Variants in SLC22A4 observed in about 807,000 individuals in gnomAD.
SLC22A4 encodes solute carrier family 22 member 4.
Under a neutral mutation model 56.6 loss-of-function variants are expected in SLC22A4, and 39 were observed. The ratio of observed to expected loss-of-function variants is 0.69; its 90% confidence interval spans 0.53 to 0.90. The LOEUF (loss-of-function observed/expected upper bound fraction) is 0.90. Ranked by LOEUF, SLC22A4 falls within the 40% of genes least tolerant of loss-of-function variation. The probability of loss-of-function intolerance (pLI) is 0.00; values close to 1 mark genes in which losing one functional copy is unlikely to be tolerated. For synonymous variants in SLC22A4, 241 were observed against 281.4 expected (o/e 0.86, Z 1.44); for missense variants, 594 against 696.5 (o/e 0.85, Z 1.66).
Position 132,312,293 on chromosome 5 carries a change from G to C in SLC22A4, c.497+29G>C, listed in dbSNP as rs775660436. 3.0e-6 allele frequency: 4 copies of C among 1,355,868 alleles called. No individual in the cohort carries two copies. The Admixed American group carries it at 5.0e-5, about 17-fold the overall frequency. The allele number at this position is 1,355,868 out of a possible 1,614,324, so 84.0% of individuals were successfully genotyped here. On this transcript the variant is annotated intron_variant, in intron 2 of 9. Transcript: ENST00000200652. ...AGCACATGGGAGGGGAGGAAGGTGG[G>C]ATGGTGCCCCTTGTCAATCACTGCC...
chr5:132,324,135 T>TGA (rs1750615084), intron 4 of SLC22A4, among the ~76,000 whole-genome samples: 1 of 151,998 alleles, frequency 6.6e-6, no homozygotes, highest in African/African-American at 2.4e-5. Context: ...AAGATTACAG[T>TGA]GCGCTATATG....
Position 132,334,718 on chromosome 5 carries a change from G to A in SLC22A4, c.1047G>A (p.Trp349Ter). 1 of 1,609,254 alleles carries A rather than the reference G, an allele frequency of 6.2e-7. No individual in the cohort carries two copies. The highest frequency in any genetic ancestry group is 8.5e-7 in the Non-Finnish European group (1 of 1,175,560). Residue 349 changes from tryptophan to a stop codon, truncating the protein, a stop_gained and splice_region_variant, in exon 7 of 10, where the codon TGG becomes TGA. Transcript: ENST00000200652. LOFTEE classifies it high-confidence loss of function. ...AIMTIMSLLL[W>*]MLTSVGYFAL... ...TGTCATTTTTACCTTCTTCTTTCAG[G>A]ATGCTGACCTCAGTGGGTTACTTTG...
intron 1 of SLC22A4, 102 bp downstream of exon 1, chr5:132,295,111 TCC>T: frequency 7.7e-7 from 1 of 1,303,976 alleles, no homozygotes. Context: ...AGCGCTCCCC[TCC>T]CCCTCAAACC....
intron 8 of SLC22A4, among the ~76,000 whole-genome samples, 184 bp downstream of exon 8, chr5:132,336,184 T>G (rs562497692): frequency 7.3e-5 from 11 of 150,792 alleles, no homozygotes; most frequent in Non-Finnish European, 1.3e-4. Context: ...TACAGACATT[T>G]TGTTTTGCAC....
intron 5 of SLC22A4, among the ~76,000 whole-genome samples, 153 bp from the exon 6 acceptor site, chr5:132,331,603 T>C (rs1230032535): frequency 6.6e-6 from 1 of 152,238 alleles, no homozygotes; most frequent in Non-Finnish European, 1.5e-5. Flanking sequence ...GTGTCATATA[T>C]GTAGATGCCC....
In SLC22A4 at chr5:132,294,801, G is replaced by C; in HGVS notation, c.185G>C (p.Trp62Ser). ...VPDAANLSSA[W>S]RNNSVPLRLR... is the part of the protein sequence containing the mutation. ...GACGCCGCGAACCTGAGCAGCGCCT[G>C]GCGCAACAACAGTGTCCCGCTGCGG... is the stretch of plus-strand genomic sequence containing the variant. Residue 62 changes from tryptophan to serine, a missense_variant, in exon 1 of 10, where the codon TGG becomes TCG. Coordinates refer to ENST00000200652, the MANE Select transcript of SLC22A4 (RefSeq NM_003059.3). This position sits in a 1 kb window ranked among gnomAD's most constrained non-coding sequence, Gnocchi z 5.6. The C allele has an allele frequency of 6.2e-7, 1 of 1,613,002 alleles. No homozygotes were observed. The highest frequency in any genetic ancestry group is 2.2e-5 in the East Asian group (1 of 44,864).
chr5:132,312,077 C>T (rs994611431), intron 1 of SLC22A4, 84 bp from the exon 2 acceptor site: 7 of 846,058 alleles, frequency 8.3e-6, no homozygotes, highest in African/African-American at 6.6e-5. Context: ...GCCCGCCAGC[C>T]GTGCTAATAT....
chr5:132,309,773 A>G (rs928312795), intron 1 of SLC22A4, among the ~76,000 whole-genome samples: 1 of 152,016 alleles, frequency 6.6e-6, no homozygotes, highest in African/African-American at 2.4e-5. Flanking sequence ...CTTGCAAATT[A>G]AGTAGCCAGT....
At chr5:132,317,923 C>T (rs190276104) in intron 3 of SLC22A4, among the ~76,000 whole-genome samples, 249 of 152,318 alleles carry the variant, frequency 1.6e-3, no homozygotes, top group Non-Finnish European at 2.0e-3. Flanking sequence ...TTGCATTGCA[C>T]CGTAAGAGGG....
At chr5:132,325,261 A>G (rs1004448534) in intron 4 of SLC22A4, among the ~76,000 whole-genome samples, 14 of 152,234 alleles carry the variant, frequency 9.2e-5, no homozygotes, top group Non-Finnish European at 1.8e-4. Flanking sequence ...CTGCACTAAT[A>G]TAGTAGCCAC....
intron 3 of SLC22A4, among the ~76,000 whole-genome samples, chr5:132,318,462 C>G (rs2126718032): frequency 6.6e-6 from 1 of 152,226 alleles, no homozygotes; most frequent in South Asian, 2.1e-4. Flanking sequence ...GCCCATGGTT[C>G]CTGGGTCTCG....
Position 132,327,398 on chromosome 5 carries a change from G to C in SLC22A4, c.946G>C (p.Val316Leu), listed in dbSNP as rs1390228100. The change falls in exon 5 of 10, where the codon GTG (valine) becomes CTG (leucine). Residue 316 changes from valine (V) to leucine (L), a missense_variant. Val to Leu is a conservative substitution (Grantham distance 32, BLOSUM62 1). Coordinates refer to ENST00000200652, the MANE Select transcript of SLC22A4 (RefSeq NM_003059.3). ...IAVPAVIFDS[V>L]EELNPLKQQK... ...TGTACCAGCAGTGATATTTGATTCTGTGGAGGTAAGCATTTGCAGATGTTT... is the reference window on the plus strand; with the variant it reads ...TGTACCAGCAGTGATATTTGATTCTCTGGAGGTAAGCATTTGCAGATGTTT... 1 of 1,612,790 alleles carries C rather than the reference G, an allele frequency of 6.2e-7. No homozygotes were observed. The highest frequency in any genetic ancestry group is 2.2e-5 in the East Asian group (1 of 44,840).
At chr5:132,317,172 A>G (rs1040214165) in intron 3 of SLC22A4, among the ~76,000 whole-genome samples, 2 of 152,234 alleles carry the variant, frequency 1.3e-5, no homozygotes, top group Non-Finnish European at 2.9e-5. Context: ...TCAATGTATG[A>G]ATAATAGAGG....
rs1751139068 is a variant in SLC22A4 at position 132,339,513 on chromosome 5, T to C, written c.1445-1052T>C. On this transcript the variant is annotated intron_variant, in intron 8 of 9. Transcript: ENST00000200652. ...ACACACACACACACACCTGAAAACA[T>C]GTATGAATTCTCAGGAAAGGTATAA... is the stretch of plus-strand genomic sequence containing the variant. Among the ~76,000 whole-genome samples, 3 of 118,186 alleles carry C rather than the reference T, an allele frequency of 2.5e-5. No homozygotes were observed. The South Asian group carries it at 8.3e-4, about 33-fold the overall frequency. 77.5% of individuals were successfully genotyped at this position (118,186 alleles called of 152,430 possible).
Position 132,334,794 on chromosome 5 carries a change from T to C in SLC22A4, c.1123T>C (p.Phe375Leu). ...NLHGDAYLNC[F>L]LSALIEIPAY... ...ACATGGAGATGCCTACCTGAACTGT[T>C]TCCTCTCTGCCTTGATTGAAATTCC... The change falls in exon 7 of 10, where the codon TTC (phenylalanine) becomes CTC (leucine). Residue 375 changes from phenylalanine to leucine, a missense_variant. Coordinates refer to ENST00000200652, the MANE Select transcript of SLC22A4 (RefSeq NM_003059.3). 6.2e-7 allele frequency: 1 copy of C among 1,614,092 alleles called. No individual in the cohort carries two copies. Among genetic ancestry groups the C allele is most frequent in the African/African-American group, 1.3e-5 (1 of 75,060 alleles).
chr5:132,301,205 T>C (rs2126700533), intron 1 of SLC22A4, among the ~76,000 whole-genome samples: 1 of 152,370 alleles, frequency 6.6e-6, no homozygotes, highest in Non-Finnish European at 1.5e-5. Context: ...TCTTCTCCCA[T>C]GGAGCATCAT....
At chr5:132,331,057 T>A (rs1272344729) in intron 5 of SLC22A4, among the ~76,000 whole-genome samples, 5 of 151,718 alleles carry the variant, frequency 3.3e-5, no homozygotes. Context: ...ACAAGAGAAG[T>A]GTAAAAAGCA....
intron 1 of SLC22A4, among the ~76,000 whole-genome samples, chr5:132,302,526 G>A (rs973959061): frequency 1.3e-5 from 2 of 152,196 alleles, no homozygotes; most frequent in Non-Finnish European, 2.9e-5. Context: ...GGAGAGAATG[G>A]ACGTTCTGGG....
rs753269253 is a variant in SLC22A4, at chr5:132,322,489, GGA to G, written c.824+138_824+139del. 3 of 858,372 alleles carry G rather than the reference GGA, an allele frequency of 3.5e-6. No homozygotes were observed. The South Asian group carries it at 4.2e-5, about 12-fold the overall frequency. The allele number at this position is 858,372 out of a possible 1,614,324, so 53.2% of individuals were successfully genotyped here. A position where few individuals can be genotyped will look rare whatever the true frequency, so the allele number is the denominator to read the frequency against. On this transcript the variant is annotated intron_variant, in intron 4 of 9. Transcript: ENST00000200652. ...CTCGCGGAGGCCAGCTTCCAAGCCG[GGA>G]GAGTTTTTGCCTCATTGTGGGTGGG... is the stretch of plus-strand genomic sequence containing the variant.
Sources: allele counts gnomAD v4.1 joint callset (sites outside exome capture counted in the v4.1 genomes callset), GRCh38; gene constraint gnomAD v4.1.1; non-coding constraint Gnocchi (gnomAD v3.1); transcripts MANE v1.5; gene names NCBI Gene and HGNC (gene_info 2026-07-23, HGNC 2026-07-21).